Variants in SULF2 observed in about 807,000 individuals in gnomAD.
SULF2 encodes the protein extracellular sulfatase Sulf-2.
In SULF2, 52 loss-of-function variants were observed where a neutral mutation model predicts 107.7. The observed-to-expected ratio is 0.48, with a 90% confidence interval of 0.39 to 0.61. The LOEUF is 0.61. SULF2 is among the 20% of genes least tolerant of loss of function. The probability of loss-of-function intolerance (pLI) is 0.00; values close to 1 mark genes in which losing one functional copy is unlikely to be tolerated. For missense variants in SULF2, 993 were observed against 1,177.3 expected, an observed-to-expected ratio of 0.84 and a Z score of 2.29; for synonymous variants, 460 against 464.3, an observed-to-expected ratio of 0.99 and a Z score of 0.12.
chr20:47,778,926 G>A (rs1310958576), intron 1 of SULF2, among the ~76,000 whole-genome samples: 4 of 152,116 alleles, frequency 2.6e-5, no homozygotes, highest in Non-Finnish European at 5.9e-5. Context: ...ACATCAATAT[G>A]CCGATAACTC....
intron 11 of SULF2, among the ~76,000 whole-genome samples, chr20:47,668,174 T>C (rs1568787785): frequency 6.6e-6 from 1 of 152,210 alleles, no homozygotes; most frequent in Non-Finnish European, 1.5e-5. Flanking sequence ...AGTCGGCTCA[T>C]AAGTGAGCTG....
intron 3 of SULF2, among the ~76,000 whole-genome samples, chr20:47,707,190 T>A (rs911354744): frequency 3.0e-4 from 46 of 152,104 alleles, no homozygotes; most frequent in Non-Finnish European, 2.9e-5. Flanking sequence ...GGTTTCACCA[T>A]GTTGGCCAAG....
intron 7 of SULF2, among the ~76,000 whole-genome samples, chr20:47,679,149 C>T (rs2087746163): frequency 6.6e-6 from 1 of 152,086 alleles, no homozygotes; most frequent in Non-Finnish European, 1.5e-5. Context: ...GAACCCTTCC[C>T]CTGAACCTCT....
intron 3 of SULF2, among the ~76,000 whole-genome samples, chr20:47,708,252 T>C (rs2088813316): frequency 6.6e-6 from 1 of 152,134 alleles, no homozygotes; most frequent in Non-Finnish European, 1.5e-5. Flanking sequence ...CTCGCTGGGC[T>C]GAAGAGCAAG....
At chr20:47,769,292 G>A (rs139887077) in intron 1 of SULF2, among the ~76,000 whole-genome samples, 1,598 of 151,760 alleles carry the variant, frequency 0.011, 36 homozygotes, top group African/African-American at 0.037. Context: ...CACCCGCCTC[G>A]GCTTCCCAAA....
intron 3 of SULF2, among the ~76,000 whole-genome samples, chr20:47,711,601 C>A (rs2088930876): frequency 6.6e-6 from 1 of 152,214 alleles, no homozygotes. Context: ...ACCATTTCCA[C>A]CCACACACTA....
rs916706836 is a variant in SULF2 at position 47,684,799 on chromosome 20, C to T, written c.738-218G>A. 8.6e-6 allele frequency: 4 copies of T among 465,218 alleles called. No homozygotes were observed. The Admixed American group carries it at 1.2e-4, about 14-fold the overall frequency. The allele number at this position is 465,218 out of a possible 1,614,324, so 28.8% of individuals were successfully genotyped here. A position where few individuals can be genotyped will look rare whatever the true frequency, so the allele number is the denominator to read the frequency against. ...ACGTGTGAAGTGTGCACTTGGGAAG[C>T]TCCTAAGAGGCACAGCATTCAGTGA... On this transcript the variant is annotated intron_variant, in intron 5 of 20. Transcript: ENST00000688720.
At chr20:47,662,948 C>A in intron 17 of SULF2, 122 bp downstream of exon 17, 1 of 1,138,916 alleles carries the variant, frequency 8.8e-7, no homozygotes, top group Non-Finnish European at 1.2e-6. Context: ...CTTACTCCCA[C>A]CGGCTCAGGG....
chr20:47,714,362 A>G (rs1425075809), intron 3 of SULF2, among the ~76,000 whole-genome samples: 1 of 152,164 alleles, frequency 6.6e-6, no homozygotes, highest in Non-Finnish European at 1.5e-5. Flanking sequence ...ACATCCGTCA[A>G]TGCCAGTGGG....
At chr20:47,712,759 T>A (rs566012523) in intron 3 of SULF2, among the ~76,000 whole-genome samples, 54 of 152,206 alleles carry the variant, frequency 3.5e-4, no homozygotes, top group African/African-American at 1.3e-3. Flanking sequence ...CTAGGCCTGG[T>A]GTGGTGGCTC....
At chr20:47,688,167 A>G (rs970364187) in intron 5 of SULF2, among the ~76,000 whole-genome samples, 2 of 151,284 alleles carry the variant, frequency 1.3e-5, no homozygotes, top group Admixed American at 1.3e-4. Flanking sequence ...GGGATAGGAG[A>G]CCCCTAACAG....
chr20:47,747,581 A>G (rs908954000), intron 2 of SULF2, among the ~76,000 whole-genome samples: 14 of 152,062 alleles, frequency 9.2e-5, no homozygotes, highest in African/African-American at 3.1e-4. Context: ...AAATGCTACA[A>G]TCACCATCCC....
At chr20:47,695,271 TTA>T in intron 4 of SULF2, among the ~76,000 whole-genome samples, 1 of 151,864 alleles carries the variant, frequency 6.6e-6, no homozygotes, top group Admixed American at 6.5e-5. Context: ...AAAATTACTC[TTA>T]AAAGCTTTAT....
Position 47,783,927 on chromosome 20 carries a change from G to C in SULF2, c.-101+1416C>G, listed in dbSNP as rs2090875917. Among the ~76,000 whole-genome samples the C allele has an allele frequency of 2.0e-5, 3 of 152,190 alleles. No individual in the cohort carries two copies. In the South Asian group the frequency reaches 6.2e-4, roughly 32 times the overall value. On this transcript the variant is annotated intron_variant, in intron 1 of 20. Transcript: ENST00000688720. ...GGAGAACATCTCTTACAGGGAAGGG[G>C]CCCCCTTCGTTCTGTCCTCCCTACC...
chr20:47,774,108 T>C (rs2090681827), intron 1 of SULF2, among the ~76,000 whole-genome samples: 1 of 152,204 alleles, frequency 6.6e-6, no homozygotes, highest in Non-Finnish European at 1.5e-5. Context: ...GGAGTCAGAA[T>C]CAACTTTTAC....
intron 11 of SULF2, among the ~76,000 whole-genome samples, chr20:47,670,411 C>T (rs948875332): frequency 2.1e-4 from 32 of 151,566 alleles, no homozygotes; most frequent in African/African-American, 7.0e-4. Context: ...AGACTGGTCT[C>T]GAACTTCTGA....
chr20:47,734,890 C>T (rs1159001815), intron 3 of SULF2, among the ~76,000 whole-genome samples: 1 of 152,168 alleles, frequency 6.6e-6, no homozygotes, highest in Non-Finnish European at 1.5e-5. Context: ...GATTTGCATA[C>T]ATTCAAGGAC....
At chr20:47,730,476 G>A (rs1416291104) in intron 3 of SULF2, among the ~76,000 whole-genome samples, 2 of 152,028 alleles carry the variant, frequency 1.3e-5, no homozygotes, top group African/African-American at 4.8e-5. Flanking sequence ...TTTTGAGATG[G>A]AGTCTCATTC....
In SULF2 at chr20:47,688,871, T is replaced by C. The variant is rs193005772; in HGVS notation, c.737+1255A>G. 3.9e-5 allele frequency among the ~76,000 whole-genome samples: 6 copies of C among 152,288 alleles called. No homozygotes were observed. In the East Asian group the frequency reaches 1.2e-3, roughly 29 times the overall value. On this transcript the variant is annotated intron_variant, in intron 5 of 20. Coordinates refer to ENST00000688720, the MANE Select transcript of SULF2 (RefSeq NM_001387048.1). The stretch of plus-strand genomic sequence containing the variant: ...GCTTGAGGAGGGCAATGTATTCAGA[T>C]TGTAATGAAGCCAAACACCCTGAAT...
Sources: allele counts gnomAD v4.1 joint callset (sites outside exome capture counted in the v4.1 genomes callset), GRCh38; gene constraint gnomAD v4.1.1; transcripts MANE v1.5; gene names NCBI Gene and HGNC (gene_info 2026-07-23, HGNC 2026-07-21).